Variants in PPP1R9A observed in about 807,000 individuals in gnomAD.
The protein encoded by PPP1R9A is protein phosphatase 1 regulatory subunit 9A.
A neutral mutation model predicts 141.9 loss-of-function variants in PPP1R9A; 59 were observed. That is an observed-to-expected ratio of 0.42 (90% CI 0.34 to 0.52). The LOEUF (loss-of-function observed/expected upper bound fraction) is 0.52, where lower values mean the gene tolerates loss of function less well. Ranked by LOEUF, PPP1R9A falls within the 20% of genes least tolerant of loss-of-function variation. The pLI is 0.10. For missense variants in PPP1R9A, 1,444 were observed against 1,611.9 expected (o/e 0.90, Z 1.78); for synonymous variants, 500 against 569.7 (o/e 0.88, Z 1.74).
intron 2 of PPP1R9A, among the ~76,000 whole-genome samples, chr7:94,914,340 A>G (rs1244173716): frequency 1.3e-5 from 2 of 152,174 alleles, no homozygotes; most frequent in African/African-American, 4.8e-5. Flanking sequence ...TTTTACATAG[A>G]TATTTCCATA....
At chr7:95,263,490 A>AGT (rs10646698) in intron 12 of PPP1R9A, among the ~76,000 whole-genome samples, 56,259 of 151,626 alleles carry the variant, frequency 0.37, 11,022 homozygotes, top group Middle Eastern at 0.5. Flanking sequence ...GCTGGAGTGC[A>AGT]GTGGCCCGAT....
chr7:95,108,307 C>CTTTTTTTTTTTTTTTTTTTTTTTTTT (rs1166103728), intron 2 of PPP1R9A, among the ~76,000 whole-genome samples: 14 of 59,596 alleles, frequency 2.3e-4, no homozygotes, highest in African/African-American at 3.6e-4. Flanking sequence ...CGTTTCTTTT[C>CTTTTTTTTTTTTTTTTTTTTTTTTTT]TTTTTTTTTT....
chr7:95,195,299 G>C lies in PPP1R9A; in HGVS notation c.1755-3050G>C, dbSNP rs531972908. ...CCATCAGTTTTTTTTTTTTTTTCTT[G>C]AGACAGGGTCTTGCTTTGTCACCCA... On this transcript the variant is annotated intron_variant, in intron 5 of 19. Coordinates refer to ENST00000433360, the MANE Select transcript of PPP1R9A (RefSeq NM_001166160.2). Among the ~76,000 whole-genome samples the C allele has an allele frequency of 4.9e-3, 688 of 141,682 alleles. 5 individuals carry two copies. Among genetic ancestry groups the C allele is most frequent in the African/African-American group, 0.017 (647 of 38,788 alleles). The allele number at this position is 141,682 out of a possible 152,430, so 92.9% of individuals were successfully genotyped here.
chr7:95,070,737 C>A (rs1419429083), intron 2 of PPP1R9A, among the ~76,000 whole-genome samples: 1 of 151,250 alleles, frequency 6.6e-6, no homozygotes, highest in African/African-American at 2.4e-5. Context: ...TTATTTGGAG[C>A]ATTTTGTCAG....
At chr7:94,949,645 T>C (rs1796247896) in intron 2 of PPP1R9A, among the ~76,000 whole-genome samples, 1 of 152,056 alleles carries the variant, frequency 6.6e-6, no homozygotes, top group African/African-American at 2.4e-5. Flanking sequence ...AGCCTTTTAA[T>C]GACAGTGCTA....
intron 4 of PPP1R9A, among the ~76,000 whole-genome samples, chr7:95,137,305 G>T (rs924588666): frequency 7.4e-6 from 1 of 135,830 alleles, no homozygotes; most frequent in African/African-American, 2.8e-5. Flanking sequence ...TCATTGTTCA[G>T]TTCCCACCTA....
intron 2 of PPP1R9A, among the ~76,000 whole-genome samples, chr7:95,091,752 G>A (rs1024917720): frequency 6.6e-6 from 1 of 151,228 alleles, no homozygotes; most frequent in African/African-American, 2.4e-5. Context: ...TTGCAGTTGT[G>A]GGGGCAGGGC....
At chr7:95,008,014 G>C (rs993972969) in intron 2 of PPP1R9A, among the ~76,000 whole-genome samples, 1 of 152,194 alleles carries the variant, frequency 6.6e-6, no homozygotes, top group Admixed American at 6.5e-5. Flanking sequence ...GGAGGTTGCA[G>C]TGAGCTGAGA....
chr7:95,285,421 T>C (rs1805105341), intron 17 of PPP1R9A, among the ~76,000 whole-genome samples: 1 of 152,232 alleles, frequency 6.6e-6, no homozygotes, highest in Admixed American at 6.5e-5. Context: ...TGCCATTATC[T>C]TGCACTGTAG....
At chr7:95,025,126 G>T (rs375736321) in intron 2 of PPP1R9A, among the ~76,000 whole-genome samples, 4 of 151,974 alleles carry the variant, frequency 2.6e-5, no homozygotes, top group East Asian at 3.9e-4. Context: ...GAGTGCAATG[G>T]CATGATCTCA....
rs1804279280 is a variant in PPP1R9A, at chr7:95,010,613, CA to C, written c.1395+99107del. Among the ~76,000 whole-genome samples the C allele has an allele frequency of 2.6e-5, 4 of 152,038 alleles. No individual in the cohort carries two copies. In the South Asian group the frequency reaches 8.3e-4, roughly 31 times the overall value. Reference sequence around the variant, plus strand: ...AGTCTGTGTTTCTAGCGTAGTTACTCAATATTGAAAATGTATGTTAGCAAGA... The same window carrying C: ...AGTCTGTGTTTCTAGCGTAGTTACTCATATTGAAAATGTATGTTAGCAAGA... On this transcript the variant is annotated intron_variant, in intron 2 of 19. Coordinates refer to ENST00000433360, the MANE Select transcript of PPP1R9A (RefSeq NM_001166160.2).
chr7:95,138,121 A>T (rs938485974), intron 4 of PPP1R9A, among the ~76,000 whole-genome samples: 3 of 151,882 alleles, frequency 2.0e-5, no homozygotes, highest in African/African-American at 7.3e-5. Flanking sequence ...TTTAGTAGAG[A>T]TGGGGTTTCA....
chr7:95,132,610 A>T (rs1324241403), intron 4 of PPP1R9A, among the ~76,000 whole-genome samples: 1 of 151,714 alleles, frequency 6.6e-6, no homozygotes, highest in African/African-American at 2.4e-5. Context: ...GTGTTACATG[A>T]CCCCTTCGGT....
rs183279701 is a variant in PPP1R9A at position 95,171,727 on chromosome 7, G to C, written c.1754+9756G>C. 2.0e-5 allele frequency among the ~76,000 whole-genome samples: 3 copies of C among 151,722 alleles called. No homozygotes were observed. In the East Asian group the frequency reaches 5.8e-4, roughly 29 times the overall value. ...AAAGAAAATTGTTTGTTTCACTGGT[G>C]AATCTTAGCATTAGATGGAGAAATA... On this transcript the variant is annotated intron_variant, in intron 5 of 19. Transcript: ENST00000433360.
chr7:95,161,822 A>C (rs1348313999), intron 4 of PPP1R9A, 45 bp from the exon 5 acceptor site: 2 of 1,254,816 alleles, frequency 1.6e-6, no homozygotes, highest in African/African-American at 1.5e-5. Context: ...ACATAAATTA[A>C]TTTTTTATGT....
At chr7:95,268,499 A>G in intron 12 of PPP1R9A, 51 bp from the exon 13 acceptor site, 2 of 1,600,530 alleles carry the variant, frequency 1.2e-6, no homozygotes, top group South Asian at 2.2e-5. Context: ...TGGTCTCTTC[A>G]TCAGTTCTCT....
At chr7:94,926,944 G>T (rs1041860277) in intron 2 of PPP1R9A, among the ~76,000 whole-genome samples, 5 of 151,998 alleles carry the variant, frequency 3.3e-5, no homozygotes, top group Non-Finnish European at 7.4e-5. Flanking sequence ...TCTTGAAATC[G>T]TATTTTTTGC....
chr7:95,121,459 G>GTCTATCTATCTATCTA (rs35336740), intron 4 of PPP1R9A, among the ~76,000 whole-genome samples: 10 of 50,368 alleles, frequency 2.0e-4, no homozygotes, highest in African/African-American at 3.8e-4. Context: ...CTGTCTGTCT[G>GTCTATCTATCTATCTA]TCTATCTATC....
Position 95,293,848 on chromosome 7 carries a change from T to C in PPP1R9A, c.*3545T>C, listed in dbSNP as rs890991573. On this transcript the variant is annotated 3_prime_UTR_variant, in exon 20 of 20. Coordinates refer to ENST00000433360, the MANE Select transcript of PPP1R9A (RefSeq NM_001166160.2). ...AAAATTTGCATTTATATAGATACTC[T>C]GATTCATGTTTAAGTGTTAAAGGTT... 6.6e-6 allele frequency: 1 copy of C among 152,234 alleles called. No homozygotes were observed. Among genetic ancestry groups the C allele is most frequent in the Admixed American group, 6.5e-5 (1 of 15,284 alleles). The allele number at this position is 152,234 out of a possible 1,614,324, so 9.4% of individuals were successfully genotyped here.
Sources: allele counts gnomAD v4.1 joint callset (sites outside exome capture counted in the v4.1 genomes callset), GRCh38; gene constraint gnomAD v4.1.1; transcripts MANE v1.5; gene names NCBI Gene and HGNC (gene_info 2026-07-23, HGNC 2026-07-21).